Variants in NBEA observed in about 807,000 individuals in gnomAD.
NBEA encodes lysosomal-trafficking regulator 2.
NBEA carries 44 observed loss-of-function variants against 343.4 expected under a neutral mutation model. The ratio of observed to expected loss-of-function variants is 0.13; its 90% CI spans 0.10 to 0.16. The LOEUF (loss-of-function observed/expected upper bound fraction) is 0.16. NBEA is among the 10% of genes least tolerant of loss of function. The pLI, the probability that NBEA is intolerant of heterozygous loss-of-function variation, is 1.00. For synonymous variants in NBEA, 1,175 were observed against 1,238.7 expected, an observed-to-expected ratio of 0.95 and a Z score of 1.08; for missense variants, 2,555 against 3,631.3, an observed-to-expected ratio of 0.70 and a Z score of 7.62.
At chr13:35,494,325 T>C (rs2076600251) in intron 41 of NBEA, among the ~76,000 whole-genome samples, 1 of 151,926 alleles carries the variant, frequency 6.6e-6, no homozygotes, top group Non-Finnish European at 1.5e-5. Flanking sequence ...GTAACAAAAA[T>C]GTGATTAAGA....
intron 34 of NBEA, among the ~76,000 whole-genome samples, chr13:35,268,715 A>G (rs1396971500): frequency 6.6e-6 from 1 of 151,994 alleles, no homozygotes; most frequent in Non-Finnish European, 1.5e-5. Context: ...GTCTTTTTTT[A>G]GTAAATATAT....
intron 48 of NBEA, among the ~76,000 whole-genome samples, chr13:35,608,193 T>C (rs544793638): frequency 8.1e-5 from 12 of 148,438 alleles, no homozygotes; most frequent in South Asian, 4.2e-4. Flanking sequence ...TTCTCCCCCC[T>C]TTTTTTTTAA....
rs556930307 is a variant in NBEA at position 35,009,007 on chromosome 13, T to G, written c.295-31926T>G. 3.9e-5 allele frequency among the ~76,000 whole-genome samples: 6 copies of G among 152,356 alleles called. No individual in the cohort carries two copies. The East Asian group carries it at 1.2e-3, about 29-fold the overall frequency. The stretch of plus-strand genomic sequence containing the variant: ...TCTGGGCTTACATCTCTGGGTTTCC[T>G]TTCTCTCTTGATCTGCCTTTGCAGT... On this transcript the variant is annotated intron_variant, in intron 1 of 58. Transcript: ENST00000379939.
At chr13:35,342,619 T>C (rs542236092) in intron 36 of NBEA, among the ~76,000 whole-genome samples, 1 of 152,130 alleles carries the variant, frequency 6.6e-6, no homozygotes, top group African/African-American at 2.4e-5. Flanking sequence ...GAGTTTGAAC[T>C]GGACAATATT....
chr13:35,111,126 G>A (rs2066182418), intron 13 of NBEA, 148 bp downstream of exon 13: 1 of 590,988 alleles, frequency 1.7e-6, no homozygotes, highest in East Asian at 3.5e-5. Context: ...AATTGTTTGT[G>A]GTAAAGAAGT....
At chr13:35,606,350 TAA>T in intron 47 of NBEA, 74 bp from the exon 48 acceptor site, 3 of 737,596 alleles carry the variant, frequency 4.1e-6, no homozygotes, top group Non-Finnish European at 5.8e-6. Context: ...TTATAGTTAA[TAA>T]GTTATAAGTT....
chr13:35,168,668 T>G (rs1593588802), intron 24 of NBEA, among the ~76,000 whole-genome samples: 1 of 151,552 alleles, frequency 6.6e-6, no homozygotes, highest in East Asian at 1.9e-4. Context: ...TTCCATTAAT[T>G]ATAGGAAAAG....
intron 41 of NBEA, among the ~76,000 whole-genome samples, chr13:35,548,499 C>T (rs907003149): frequency 6.6e-6 from 1 of 152,078 alleles, no homozygotes; most frequent in South Asian, 2.1e-4. Flanking sequence ...AGGTATCTTT[C>T]TGACATAATG....
chr13:34,973,924 G>T (rs557240623), intron 1 of NBEA, among the ~76,000 whole-genome samples: 1 of 152,218 alleles, frequency 6.6e-6, no homozygotes, highest in East Asian at 1.9e-4. Context: ...AAAACTCCTG[G>T]GCCCCTCTGC....
intron 38 of NBEA, among the ~76,000 whole-genome samples, chr13:35,409,446 C>A (rs898954774): frequency 6.6e-6 from 1 of 152,014 alleles, no homozygotes; most frequent in Non-Finnish European, 1.5e-5. Flanking sequence ...CCCCATGATA[C>A]AAGTTTACCT....
At chr13:35,455,482 TATAAATG>T (rs1246469838) in intron 40 of NBEA, among the ~76,000 whole-genome samples, 2 of 152,032 alleles carry the variant, frequency 1.3e-5, no homozygotes, top group African/African-American at 4.8e-5. Context: ...TTTTTCGACA[TATAAATG>T]ATGCTGCTAT....
At chr13:35,476,665 A>C in intron 41 of NBEA, 1 of 665,714 alleles carries the variant, frequency 1.5e-6, no homozygotes, top group Non-Finnish European at 2.1e-6. Flanking sequence ...TGTATATGTC[A>C]GAAGAAGCTG....
intron 11 of NBEA, among the ~76,000 whole-genome samples, chr13:35,107,053 T>A (rs1313104885): frequency 1.3e-5 from 2 of 151,886 alleles, no homozygotes; most frequent in Non-Finnish European, 2.9e-5. Flanking sequence ...TCAGATCATG[T>A]TCTTGAAATC....
intron 39 of NBEA, among the ~76,000 whole-genome samples, chr13:35,441,811 A>C (rs555489912): frequency 6.6e-6 from 1 of 150,906 alleles, no homozygotes; most frequent in Non-Finnish European, 1.5e-5. Context: ...AAACTCTAGT[A>C]AACAAGGAAT....
At chr13:35,612,231 C>T (rs2082550482) in intron 48 of NBEA, among the ~76,000 whole-genome samples, 1 of 151,852 alleles carries the variant, frequency 6.6e-6, no homozygotes, top group Non-Finnish European at 1.5e-5. Context: ...CTCCTGGGTT[C>T]ACGCCATTCT....
chr13:35,540,178 A>G (rs1215200349), intron 41 of NBEA, among the ~76,000 whole-genome samples: 1 of 151,930 alleles, frequency 6.6e-6, no homozygotes, highest in African/African-American at 2.4e-5. Flanking sequence ...ATCAGACCCT[A>G]TTACCTAATT....
intron 1 of NBEA, among the ~76,000 whole-genome samples, chr13:34,953,030 A>G (rs182252416): frequency 1.3e-5 from 2 of 152,276 alleles, no homozygotes; most frequent in Admixed American, 1.3e-4. Flanking sequence ...AAGTTTTGCT[A>G]TTTAAATACA....
At chr13:35,577,971 A>C (rs1211651459) in intron 45 of NBEA, among the ~76,000 whole-genome samples, 1 of 152,226 alleles carries the variant, frequency 6.6e-6, no homozygotes, top group African/African-American at 2.4e-5. Context: ...GAATTTTCAG[A>C]ATGATGACAG....
At chr13:35,393,716 C>G (rs1164099338) in intron 38 of NBEA, among the ~76,000 whole-genome samples, 1 of 151,928 alleles carries the variant, frequency 6.6e-6, no homozygotes, top group Non-Finnish European at 1.5e-5. Flanking sequence ...AACACTAAGA[C>G]AATTAGAAAT....
Sources: allele counts gnomAD v4.1 joint callset (sites outside exome capture counted in the v4.1 genomes callset), GRCh38; gene constraint gnomAD v4.1.1; transcripts MANE v1.5; gene names NCBI Gene and HGNC (gene_info 2026-07-23, HGNC 2026-07-21).